The following HADH variants were observed in gnomAD, a reference collection of about 807,000 sequenced individuals.
The protein encoded by HADH is hydroxyacyl-coenzyme A dehydrogenase, mitochondrial.
Under a neutral mutation model 32.2 loss-of-function variants are expected in HADH, and 24 were observed. That is an observed-to-expected ratio of 0.75 (90% CI 0.54 to 1.05). The LOEUF (loss-of-function observed/expected upper bound fraction) is 1.05, where lower values mean the gene tolerates loss of function less well. HADH is among the 50% of genes least tolerant of loss of function. The pLI is 0.00. For synonymous variants in HADH, 139 were observed against 152.5 expected (o/e 0.91, Z 0.65); for missense variants, 350 against 397.1 (o/e 0.88, Z 1.01).
intron 6 of HADH, 25 bp downstream of exon 6, chr4:108,027,785 G>A (rs775429068): frequency 2.1e-5 from 30 of 1,400,166 alleles, no homozygotes; most frequent in Non-Finnish European, 2.8e-5. Context: ...CAGGCCAGGA[G>A]CAGCAGACCT....
chr4:108,018,887 G>T (rs1474345290), intron 3 of HADH, among the ~76,000 whole-genome samples: 2 of 151,500 alleles, frequency 1.3e-5, no homozygotes, highest in Non-Finnish European at 3.0e-5. Context: ...AGTCAGTATG[G>T]ATTTTTTTTA....
chr4:108,033,416 A>G lies in HADH; in HGVS notation c.826+124A>G, dbSNP rs1030679632. On this transcript the variant is annotated intron_variant, in intron 7 of 7. Coordinates refer to ENST00000309522, the MANE Select transcript of HADH (RefSeq NM_005327.7). ...AGACCTTCCAAAATCCTGCCTCACC[A>G]GGTTGAGAATTCATGAACAGATGTC... 1.1e-5 allele frequency: 8 copies of G among 720,102 alleles called. No individual in the cohort carries two copies. In the East Asian group the frequency reaches 2.1e-4, roughly 19 times the overall value. The allele number at this position is 720,102 out of a possible 1,614,324, so 44.6% of individuals were successfully genotyped here.
chr4:108,009,996 A>G, intron 2 of HADH, 109 bp downstream of exon 2: 1 of 589,508 alleles, frequency 1.7e-6, no homozygotes, highest in Admixed American at 3.6e-5. Context: ...TTTTTTTTTC[A>G]GTTTGTTAGT....
chr4:108,027,156 G>T, intron 5 of HADH: 1 of 178,418 alleles, frequency 5.6e-6, no homozygotes, highest in Non-Finnish European at 1.2e-5. Flanking sequence ...AGCCTGGAAA[G>T]CAGTCCTCCT....
chr4:108,017,827 G>A (rs412313), intron 3 of HADH, among the ~76,000 whole-genome samples: 1 of 152,194 alleles, frequency 6.6e-6, no homozygotes, highest in African/African-American at 2.4e-5. Context: ...GGTATTACAA[G>A]TGTGAGCCAC....
At chr4:108,028,088 T>C in intron 6 of HADH, 1 of 394,632 alleles carries the variant, frequency 2.5e-6, no homozygotes, top group Non-Finnish European at 4.6e-6. Flanking sequence ...CTTTTAAAAA[T>C]AATCATAATG....
chr4:108,025,071 T>G (rs189008113), intron 5 of HADH: 113 of 152,362 alleles, frequency 7.4e-4, no homozygotes, highest in African/African-American at 2.6e-3. Flanking sequence ...GTGAATATTT[T>G]CAGCCATACA....
intron 5 of HADH, 73 bp downstream of exon 5, chr4:108,023,636 C>T (rs1324403838): frequency 1.1e-6 from 1 of 891,356 alleles, no homozygotes; most frequent in South Asian, 1.3e-5. Flanking sequence ...TGGTAGAATT[C>T]TTCTCATAGA....
intron 1 of HADH, among the ~76,000 whole-genome samples, chr4:108,000,677 A>C (rs949903423): frequency 1.3e-5 from 2 of 152,212 alleles, no homozygotes; most frequent in African/African-American, 4.8e-5. Flanking sequence ...GTTTCACTAA[A>C]GGAGAGATGG....
intron 3 of HADH, among the ~76,000 whole-genome samples, chr4:108,016,653 A>G (rs1477616896): frequency 6.6e-6 from 1 of 152,198 alleles, no homozygotes; most frequent in East Asian, 1.9e-4. Flanking sequence ...TCCATTGTCC[A>G]TGTCTGGTAC....
chr4:108,020,686 G>C (rs1446772874), intron 4 of HADH, among the ~76,000 whole-genome samples: 1 of 152,096 alleles, frequency 6.6e-6, no homozygotes, highest in Admixed American at 6.6e-5. Context: ...CCTAATTACA[G>C]GGTCTGAGGA....
chr4:108,034,726 G>T lies in HADH; in HGVS notation c.*369G>T. ...AGAGTGCGAGTGCACCATGCTCACT[G>T]TTGCTGCGTGGGAGAGTCACAAGCC... On this transcript the variant is annotated 3_prime_UTR_variant, in exon 8 of 8. Coordinates refer to ENST00000309522, the MANE Select transcript of HADH (RefSeq NM_005327.7). 2 of 353,278 alleles carry T rather than the reference G, an allele frequency of 5.7e-6. No homozygotes were observed. Among genetic ancestry groups the T allele is most frequent in the Non-Finnish European group, 1.1e-5 (2 of 180,028 alleles). 21.9% of individuals were successfully genotyped at this position (353,278 alleles called of 1,614,324 possible).
At chr4:108,002,731 C>T (rs138251274) in intron 1 of HADH, among the ~76,000 whole-genome samples, 1 of 152,278 alleles carries the variant, frequency 6.6e-6, no homozygotes, top group African/African-American at 2.4e-5. Context: ...ACAGCCCTCA[C>T]CAGACACTGA....
intron 6 of HADH, chr4:108,032,477 T>C: frequency 1.6e-6 from 1 of 634,712 alleles, no homozygotes; most frequent in Non-Finnish European, 2.9e-6. Flanking sequence ...ACAATAACTA[T>C]ACATACAAAA....
At chr4:108,022,449 A>G (rs1402912716) in intron 4 of HADH, among the ~76,000 whole-genome samples, 2 of 152,016 alleles carry the variant, frequency 1.3e-5, no homozygotes, top group Non-Finnish European at 2.9e-5. Flanking sequence ...GGGCTGCTGG[A>G]GCAGGTGGCA....
At chr4:108,033,899 C>G (rs1449207941) in intron 7 of HADH, among the ~76,000 whole-genome samples, 1 of 152,224 alleles carries the variant, frequency 6.6e-6, no homozygotes, top group Non-Finnish European at 1.5e-5. Context: ...TGAAAGTTAA[C>G]TGTGCCAGTG....
At chr4:108,012,940 T>A (rs891144567) in intron 2 of HADH, among the ~76,000 whole-genome samples, 2 of 152,206 alleles carry the variant, frequency 1.3e-5, no homozygotes, top group African/African-American at 2.4e-5. Context: ...CTTATATTCT[T>A]TTTTGTTGAG....
At chr4:108,018,183 G>T (rs1236831950) in intron 3 of HADH, among the ~76,000 whole-genome samples, 10 of 152,148 alleles carry the variant, frequency 6.6e-5, no homozygotes, top group Admixed American at 6.5e-4. Context: ...TTTCTTAACG[G>T]GAGTGTGGAG....
chr4:108,023,002 T>C (rs1735944202), intron 4 of HADH, among the ~76,000 whole-genome samples: 1 of 151,560 alleles, frequency 6.6e-6, no homozygotes, highest in Admixed American at 6.6e-5. Flanking sequence ...GTCTTTTTTT[T>C]TTTTTTTTTG....
Sources: gnomAD v4.1 joint callset for allele counts (sites outside exome capture counted in the v4.1 genomes callset) on GRCh38, gnomAD v4.1.1 for gene constraint, MANE v1.5 for transcripts, NCBI Gene and HGNC (gene_info 2026-07-23, HGNC 2026-07-21) for gene names.